HNRNPR: variants seen among roughly 807,000 people sequenced by gnomAD.
The protein encoded by HNRNPR is heterogeneous nuclear ribonucleoprotein R.
Under a neutral mutation model 70.3 loss-of-function variants are expected in HNRNPR, and 4 were observed. The observed-to-expected ratio is 0.06, with a 90% CI of 0.03 to 0.13. HNRNPR has a LOEUF of 0.13. HNRNPR is among the 10% of genes least tolerant of loss of function. The probability of loss-of-function intolerance (pLI) is 1.00; values close to 1 mark genes in which losing one functional copy is unlikely to be tolerated. For synonymous variants in HNRNPR, 241 were observed against 267.6 expected (o/e 0.90, Z 0.97); for missense variants, 423 against 788.5 (o/e 0.54, Z 5.55).
intron 5 of HNRNPR, among the ~76,000 whole-genome samples, chr1:23,329,823 G>T (rs984506444): frequency 2.0e-5 from 3 of 152,176 alleles, no homozygotes; most frequent in African/African-American, 7.2e-5. Flanking sequence ...TAGAGACAGG[G>T]TCTCCTTATG....
chr1:23,336,132 A>AAAAAAAAAAAAAAAAAAAAAAAAAAAC (rs1557927545), intron 4 of HNRNPR, among the ~76,000 whole-genome samples: 1 of 144,446 alleles, frequency 6.9e-6, no homozygotes, highest in African/African-American at 2.6e-5. Context: ...AAAAAAAAAA[A>AAAAAAAAAAAAAAAAAAAAAAAAAAAC]GTCTATCACA....
intron 3 of HNRNPR, chr1:23,338,242 C>G (rs1646576911): frequency 2.9e-6 from 1 of 340,156 alleles, no homozygotes; most frequent in Non-Finnish European, 5.3e-6. Flanking sequence ...ATAGTAACAA[C>G]CATCAAAACT....
chr1:23,321,163 C>CA lies in HNRNPR; in HGVS notation c.811+364dup, dbSNP rs58123581. ...AGGCAACAAGAGCGAAACTCCGTCT[C>CA]AAAAAAAAAAAAAATCTGATCTAGA... On this transcript the variant is annotated intron_variant, in intron 7 of 10. Transcript: ENST00000302271. Among the ~76,000 whole-genome samples the CA allele has an allele frequency of 3.6e-4, 35 of 98,148 alleles. 3 individuals carry two copies. The highest frequency in any genetic ancestry group is 1.0e-3 in the South Asian group (3 of 3,012). 64.4% of individuals were successfully genotyped at this position (98,148 alleles called of 152,430 possible).
intron 5 of HNRNPR, among the ~76,000 whole-genome samples, chr1:23,332,148 G>T (rs1220106196): frequency 2.0e-5 from 3 of 152,040 alleles, no homozygotes; most frequent in Non-Finnish European, 4.4e-5. Context: ...GGAGAGGGGA[G>T]AGGGGAGGAG....
chr1:23,317,541 G>C (rs1645595478), intron 8 of HNRNPR, among the ~76,000 whole-genome samples: 1 of 152,140 alleles, frequency 6.6e-6, no homozygotes, highest in South Asian at 2.1e-4. Context: ...CCACTATTAA[G>C]ATCCTGGCAA....
rs199598063 is a variant in HNRNPR, at chr1:23,311,254, T to C, written c.1236A>G (p.Pro412=). 116 of 1,613,480 alleles carry C rather than the reference T, an allele frequency of 7.2e-5. No homozygotes were observed. Among genetic ancestry groups the C allele is most frequent in the Non-Finnish European group, 8.6e-5 (101 of 1,179,704 alleles). ...CTTGGCGCTCTTTCCTTTTCTTGTCTGGTGGCTTGGCTAAGACTATTTCAA... is the reference window on the plus strand; with the variant it reads ...CTTGGCGCTCTTTCCTTTTCTTGTCCGGTGGCTTGGCTAAGACTATTTCAA... ...EEIEIVLAKP[P]DKKRKERQAA... Residue 412 remains proline, a synonymous_variant, in exon 10 of 11, where the codon CCA becomes CCG. Transcript: ENST00000302271.
rs1645248699 is a variant in HNRNPR at position 23,309,029 on chromosome 1, C to T, written c.*1425G>A. On this transcript the variant is annotated 3_prime_UTR_variant, in exon 11 of 11. Transcript: ENST00000302271. ...CCGTAAAGCTTAGATTCTTTTGTTC[C>T]TCTCATTCTCAAGCAAAAAAGTCAT... 1.3e-5 allele frequency: 2 copies of T among 151,838 alleles called. No individual in the cohort carries two copies. Among genetic ancestry groups the T allele is most frequent in the Non-Finnish European group, 2.9e-5 (2 of 67,902 alleles). 9.4% of individuals were successfully genotyped at this position (151,838 alleles called of 1,614,324 possible). A position where few individuals can be genotyped will look rare whatever the true frequency, so the allele number is the denominator to read the frequency against.
intron 1 of HNRNPR, among the ~76,000 whole-genome samples, chr1:23,342,236 A>T (rs994332303): frequency 1.3e-5 from 2 of 152,224 alleles, no homozygotes; most frequent in African/African-American, 2.4e-5. Flanking sequence ...CACCAGGTGC[A>T]GTTTTCTGGC....
chr1:23,343,143 T>A (rs2148507558), intron 1 of HNRNPR, among the ~76,000 whole-genome samples: 1 of 152,252 alleles, frequency 6.6e-6, no homozygotes, highest in South Asian at 2.1e-4. Flanking sequence ...TATTTCTGGA[T>A]GCAGCAAATA....
chr1:23,336,746 CCA>C (rs1340549926), intron 4 of HNRNPR, among the ~76,000 whole-genome samples: 2 of 146,756 alleles, frequency 1.4e-5, no homozygotes, highest in Non-Finnish European at 3.0e-5. Context: ...CCAGCCTGGG[CCA>C]CAGAGTGAGA....
At chr1:23,336,109 T>A (rs1376678403) in intron 4 of HNRNPR, among the ~76,000 whole-genome samples, 1 of 16,346 alleles carries the variant, frequency 6.1e-5, no homozygotes, top group Non-Finnish European at 2.4e-4. Flanking sequence ...AGAGCGAGAC[T>A]CCGTCTCAAA....
At chr1:23,315,864 G>A (rs1196977526) in intron 8 of HNRNPR, among the ~76,000 whole-genome samples, 1 of 151,928 alleles carries the variant, frequency 6.6e-6, no homozygotes, top group Non-Finnish European at 1.5e-5. Context: ...TCATACTAAG[G>A]TCCAGCCTCT....
intron 4 of HNRNPR, among the ~76,000 whole-genome samples, chr1:23,335,610 G>C (rs1646440540): frequency 6.6e-6 from 1 of 152,084 alleles, no homozygotes; most frequent in Non-Finnish European, 1.5e-5. Context: ...GTGCATACAA[G>C]GGATCTAGGT....
rs762721806 is a variant in HNRNPR at position 23,318,738 on chromosome 1, C to G, written c.812-50G>C. ...TAAGCCAAAAGCATCCACCACACAT[C>G]TAGCGATTAGGCAGACCTAAATCCA... On this transcript the variant is annotated intron_variant, in intron 7 of 10. Transcript: ENST00000302271. The surrounding 1 kb of genome is among the most constrained non-coding windows in gnomAD (Gnocchi z 4.2). The G allele has an allele frequency of 6.3e-7, 1 of 1,579,270 alleles. No homozygotes were observed. Among genetic ancestry groups the G allele is most frequent in the Non-Finnish European group, 8.7e-7 (1 of 1,153,174 alleles).
At chr1:23,330,021 A>G (rs887490628) in intron 5 of HNRNPR, among the ~76,000 whole-genome samples, 2 of 152,210 alleles carry the variant, frequency 1.3e-5, no homozygotes, top group African/African-American at 4.8e-5. Context: ...TTTCTCATAC[A>G]TAATACAATT....
At chr1:23,331,862 A>AAAAAAC (rs10669273) in intron 5 of HNRNPR, among the ~76,000 whole-genome samples, 2 of 145,256 alleles carry the variant, frequency 1.4e-5, no homozygotes, top group Non-Finnish European at 3.0e-5. Context: ...AAAAAAAAAA[A>AAAAAAC]GGTCCCTGGT....
chr1:23,332,648 C>T (rs12140750), intron 5 of HNRNPR, among the ~76,000 whole-genome samples: 27,969 of 144,890 alleles, frequency 0.19, 2,952 homozygotes, highest in Admixed American at 0.35. Context: ...TGCAGTGAGC[C>T]GAGATTGCAC....
chr1:23,337,890 G>A (rs1247906781), intron 3 of HNRNPR, 29 bp from the exon 4 acceptor site: 1 of 1,343,916 alleles, frequency 7.4e-7, no homozygotes, highest in Non-Finnish European at 1.0e-6. Flanking sequence ...TCAATAAAAA[G>A]AATCACCAAA....
At position 23,308,538 on chromosome 1, in the gene HNRNPR, G is replaced by A. The variant is rs1451008845; in HGVS notation, c.*1916C>T. 6.6e-6 allele frequency: 1 copy of A among 151,836 alleles called. No homozygotes were observed. The highest frequency in any genetic ancestry group is 1.5e-5 in the Non-Finnish European group (1 of 67,858). 9.4% of individuals were successfully genotyped at this position (151,836 alleles called of 1,614,324 possible). A position where few individuals can be genotyped will look rare whatever the true frequency, so the allele number is the denominator to read the frequency against. ...TTTGGTGTCTTTACTTGCATACATG[G>A]GCATAAGAAAAACAACTGGATCTGT... On this transcript the variant is annotated 3_prime_UTR_variant, in exon 11 of 11. Transcript: ENST00000302271.
Sources: gnomAD v4.1 joint callset for allele counts (sites outside exome capture counted in the v4.1 genomes callset) on GRCh38, gnomAD v4.1.1 for gene constraint, Gnocchi (gnomAD v3.1) non-coding constraint, MANE v1.5 for transcripts, NCBI Gene and HGNC (gene_info 2026-07-23, HGNC 2026-07-21) for gene names.